Variants in LAMTOR5 observed in about 807,000 individuals in gnomAD.
LAMTOR5 encodes ragulator complex protein LAMTOR5.
A neutral mutation model predicts 12.1 loss-of-function variants in LAMTOR5; 8 were observed. That is an observed-to-expected ratio of 0.66 (90% CI 0.39 to 1.19). The LOEUF is 1.19. Among genes scored for constraint, LAMTOR5 ranks in the 50% most tolerant of loss-of-function variants. The pLI is 0.01. For synonymous variants in LAMTOR5, 37 were observed against 41.9 expected (o/e 0.88, Z 0.45); for missense variants, 110 against 112.8 (o/e 0.97, Z 0.11).
intron 2 of LAMTOR5, 44 bp downstream of exon 2, chr1:110,406,274 G>C: frequency 7.5e-7 from 1 of 1,330,210 alleles, no homozygotes; most frequent in East Asian, 2.5e-5. Flanking sequence ...GTCAACATCA[G>C]ATGCTATGCA....
chr1:110,402,718 T>C (rs998078517), intron 3 of LAMTOR5, among the ~76,000 whole-genome samples: 18 of 152,134 alleles, frequency 1.2e-4, no homozygotes, highest in African/African-American at 4.3e-4. Flanking sequence ...GGAGAAGATG[T>C]GGAGATAGAA....
intron 3 of LAMTOR5, among the ~76,000 whole-genome samples, chr1:110,402,426 T>C (rs1330448333): frequency 6.6e-6 from 1 of 152,106 alleles, no homozygotes; most frequent in Non-Finnish European, 1.5e-5. Flanking sequence ...TTTGTATTTT[T>C]AGTAGAGACA....
intron 1 of LAMTOR5, 97 bp from the exon 2 acceptor site, chr1:110,406,476 G>A: frequency 1.3e-6 from 1 of 764,776 alleles, no homozygotes; most frequent in Non-Finnish European, 2.1e-6. Context: ...CAGGCATTAA[G>A]TGCTTTAAAT....
chr1:110,407,915 G>C (rs1294169261), upstream of LAMTOR5: 19 of 1,576,498 alleles, frequency 1.2e-5, no homozygotes, highest in Non-Finnish European at 1.6e-5. Flanking sequence ...GAGGTCTGCA[G>C]CCGGGCCTCA....
At chr1:110,407,499 G>T in intron 1 of LAMTOR5, 87 bp downstream of exon 1, 1 of 1,497,412 alleles carries the variant, frequency 6.7e-7, no homozygotes, top group Non-Finnish European at 9.0e-7. Flanking sequence ...AGACGCCCTG[G>T]CCGGTACTCG....
intron 3 of LAMTOR5, 165 bp downstream of exon 3, chr1:110,403,754 T>A: frequency 9.7e-7 from 1 of 1,034,906 alleles, no homozygotes; most frequent in Non-Finnish European, 1.3e-6. Context: ...TGAGAGCACA[T>A]TAGCTTTAGG....
chr1:110,403,893 G>GA, intron 3 of LAMTOR5, 26 bp downstream of exon 3: 1 of 1,609,602 alleles, frequency 6.2e-7, no homozygotes, highest in Non-Finnish European at 8.5e-7. Context: ...GAACAAAAAG[G>GA]AAAGGATCTG....
At chr1:110,405,358 T>C (rs1420988069) in intron 2 of LAMTOR5, among the ~76,000 whole-genome samples, 2 of 152,046 alleles carry the variant, frequency 1.3e-5, no homozygotes, top group Admixed American at 6.6e-5. Flanking sequence ...AGAGATGTGG[T>C]TTCACCATGT....
chr1:110,404,094 TA>T, intron 2 of LAMTOR5, 58 bp from the exon 3 acceptor site: 1 of 1,593,516 alleles, frequency 6.3e-7, no homozygotes. Context: ...TCTGCTAAAA[TA>T]AGCTAGCTGG....
At chr1:110,406,890 G>A (rs1557924837) in intron 1 of LAMTOR5, 1 of 443,488 alleles carries the variant, frequency 2.3e-6, no homozygotes, top group Non-Finnish European at 4.0e-6. Flanking sequence ...TCTCTGATGA[G>A]AGAAAAAAAT....
Position 110,404,035 on chromosome 1 carries a change from G to T in LAMTOR5, c.99C>A (p.Cys33Ter), listed in dbSNP as rs1303938893. The T allele has an allele frequency of 6.8e-6, 11 of 1,613,600 alleles. No individual in the cohort carries two copies. The highest frequency in any genetic ancestry group is 9.3e-6 in the Non-Finnish European group (11 of 1,179,856). ...CTDSQGLNLG[C>*]RGTLSDEHAG... ...CATGCTCATCTGACAGGGTCCCGCGGCCTGGAAAATAGAGATGATATATGT... is the reference window on the plus strand; with the variant it reads ...CATGCTCATCTGACAGGGTCCCGCGTCCTGGAAAATAGAGATGATATATGT... The change falls in exon 3 of 4, where the codon TGC becomes TGA. Residue 33 changes from cysteine (C) to a stop codon, truncating the protein, a stop_gained and splice_region_variant. Coordinates refer to ENST00000602318, the MANE Select transcript of LAMTOR5 (RefSeq NM_001382293.1). LOFTEE classifies it high-confidence loss of function.
rs3765139 is a variant in LAMTOR5 at position 110,404,213 on chromosome 1, C to T, written c.98-177G>A. On this transcript the variant is annotated intron_variant, in intron 2 of 3. Transcript: ENST00000602318. ...CAAAAGTACCTATAAATTCTAGGTA[C>T]GAAAATTAATTACTAAGTGTACTTT... Among the ~76,000 whole-genome samples the T allele has an allele frequency of 6.4e-4, 97 of 152,110 alleles. No individual in the cohort carries two copies. In the East Asian group the frequency reaches 0.014, roughly 23 times the overall value.
chr1:110,403,788 T>G, intron 3 of LAMTOR5, 131 bp downstream of exon 3: 5 of 1,399,914 alleles, frequency 3.6e-6, no homozygotes, highest in African/African-American at 1.5e-5. Flanking sequence ...GTTCCTGTGA[T>G]TCAAAAGATT....
At chr1:110,407,863 C>G (rs144661150), upstream of LAMTOR5, 2 of 1,612,686 alleles carry the variant, frequency 1.2e-6, no homozygotes, top group Middle Eastern at 1.6e-4. Context: ...GCACCTGGCT[C>G]CATGGCGGAA....
chr1:110,404,073 C>T (rs776262301), intron 2 of LAMTOR5, 37 bp from the exon 3 acceptor site: 10 of 1,604,388 alleles, frequency 6.2e-6, no homozygotes, highest in East Asian at 2.2e-5. Context: ...CCTGATTGCT[C>T]ATAGAGTATT....
intron 1 of LAMTOR5, 86 bp from the exon 2 acceptor site, chr1:110,406,465 C>T: frequency 1.2e-6 from 1 of 855,164 alleles, no homozygotes; most frequent in Non-Finnish European, 1.9e-6. Context: ...GTTCTATGTA[C>T]CAGGCATTAA....
At chr1:110,403,806 T>C (rs944299132) in intron 3 of LAMTOR5, 113 bp downstream of exon 3, 24 of 1,468,838 alleles carry the variant, frequency 1.6e-5, no homozygotes, top group Admixed American at 2.4e-5. Context: ...ATTAAGAACT[T>C]TTCCCAAAGT....
In LAMTOR5 at chr1:110,406,384, T is replaced by G. The variant is rs141369742; in HGVS notation, c.36-5A>C. 6.4e-4 allele frequency: 1,021 copies of G among 1,606,182 alleles called. 4 individuals are homozygous for G. The African/African-American group carries it at 0.013, about 20-fold the overall frequency. Reference sequence around the variant, plus strand: ...ACAATGGAGGGATTCTTCATTCTAATTCCAGGAACACAAGAGAGTTGAAGT... The same window carrying G: ...ACAATGGAGGGATTCTTCATTCTAAGTCCAGGAACACAAGAGAGTTGAAGT... On this transcript the variant is annotated splice_region_variant and splice_polypyrimidine_tract_variant and intron_variant, in intron 1 of 3. Coordinates refer to ENST00000602318, the MANE Select transcript of LAMTOR5 (RefSeq NM_001382293.1).
At chr1:110,404,182 C>T (rs1168386655) in intron 2 of LAMTOR5, 146 bp from the exon 3 acceptor site, 4 of 1,220,486 alleles carry the variant, frequency 3.3e-6, no homozygotes, top group Middle Eastern at 3.0e-4. Flanking sequence ...AACTAAATCT[C>T]GGGTACAAAA....
Sources: allele counts gnomAD v4.1 joint callset (sites outside exome capture counted in the v4.1 genomes callset), GRCh38; gene constraint gnomAD v4.1.1; transcripts MANE v1.5; gene names NCBI Gene and HGNC (gene_info 2026-07-23, HGNC 2026-07-21).